Variants in SCAMP1 observed in about 807,000 individuals in gnomAD.
SCAMP1 encodes the protein secretory carrier membrane protein 1, also known as secretory carrier-associated membrane protein 1.
Under a neutral mutation model 41.8 loss-of-function variants are expected in SCAMP1, and 15 were observed. That is an observed-to-expected ratio of 0.36 (90% CI 0.24 to 0.55). SCAMP1 has a LOEUF of 0.55. Ranked by LOEUF, SCAMP1 falls within the 20% of genes least tolerant of loss-of-function variation. SCAMP1 has a pLI of 0.86. For missense variants in SCAMP1, 341 were observed against 412.6 expected (o/e 0.83, Z 1.50); for synonymous variants, 135 against 136.8 (o/e 0.99, Z 0.09).
rs1018183255 is a variant in SCAMP1 at position 78,366,841 on chromosome 5, C to T, written c.57+6113C>T. On this transcript the variant is annotated intron_variant, in intron 1 of 8. Coordinates refer to ENST00000621999, the MANE Select transcript of SCAMP1 (RefSeq NM_004866.6). ...ATCTCTACTAAAATTTAAAAGTTAGCTGGGTGTGGTGGTGCACACCTGTAA... is the reference window on the plus strand; with the variant it reads ...ATCTCTACTAAAATTTAAAAGTTAGTTGGGTGTGGTGGTGCACACCTGTAA... Among the ~76,000 whole-genome samples the T allele has an allele frequency of 1.3e-5, 2 of 148,380 alleles. 1 individual carries two copies. The highest frequency in any genetic ancestry group is 4.3e-4 in the South Asian group (2 of 4,664).
chr5:78,441,462 T>G (rs1309939816), intron 6 of SCAMP1, among the ~76,000 whole-genome samples: 3 of 152,182 alleles, frequency 2.0e-5, no homozygotes, highest in Non-Finnish European at 4.4e-5. Context: ...ATTTCAAGTG[T>G]AAGAGTGATA....
chr5:78,451,059 G>A (rs1440389416), intron 7 of SCAMP1, among the ~76,000 whole-genome samples: 2 of 152,102 alleles, frequency 1.3e-5, no homozygotes, highest in Non-Finnish European at 2.9e-5. Flanking sequence ...TTAACAGCAC[G>A]AGGTTTTTTT....
chr5:78,439,423 C>G (rs1752858835), intron 6 of SCAMP1, among the ~76,000 whole-genome samples: 1 of 152,206 alleles, frequency 6.6e-6, no homozygotes, highest in Non-Finnish European at 1.5e-5. Context: ...ATGACAAAAT[C>G]TCTCAGCATT....
intron 2 of SCAMP1, among the ~76,000 whole-genome samples, chr5:78,415,056 T>C (rs6896927): frequency 0.76 from 115,344 of 151,526 alleles, 44,486 homozygotes; most frequent in African/African-American, 0.84. Flanking sequence ...CCGGTTCAAG[T>C]GATTCTCCTG....
intron 1 of SCAMP1, among the ~76,000 whole-genome samples, chr5:78,384,111 C>G (rs1221443235): frequency 6.7e-6 from 1 of 150,326 alleles, no homozygotes; most frequent in Admixed American, 6.6e-5. Context: ...TTTCTTTCAG[C>G]AGTGTTCTGT....
At position 78,475,651 on chromosome 5, in the gene SCAMP1, A is replaced by G. The variant is rs1198186085; in HGVS notation, c.1000A>G (p.Lys334Glu). 1.9e-6 allele frequency: 3 copies of G among 1,562,902 alleles called. No homozygotes were observed. ...AASSAAQNAF[K>E]GNQI ...ATCTAGTGCAGCTCAGAATGCTTTC[A>G]AGGGTAACCAGATTTAAGAATCTTC... Residue 334 changes from lysine to glutamate, a missense_variant, in exon 9 of 9, where the codon AAG becomes GAG. Transcript: ENST00000621999.
chr5:78,471,628 C>T (rs1753884949), intron 8 of SCAMP1, among the ~76,000 whole-genome samples: 1 of 152,072 alleles, frequency 6.6e-6, no homozygotes, highest in Non-Finnish European at 1.5e-5. Flanking sequence ...TGCCATTATT[C>T]TTTACTTCCC....
chr5:78,452,983 C>T (rs1178443440), intron 7 of SCAMP1, among the ~76,000 whole-genome samples: 1 of 148,164 alleles, frequency 6.7e-6, no homozygotes, highest in Non-Finnish European at 1.5e-5. Flanking sequence ...TAAATGTCTT[C>T]TTTTGAGAAG....
At chr5:78,397,473 G>C (rs1751681303) in intron 2 of SCAMP1, among the ~76,000 whole-genome samples, 1 of 152,102 alleles carries the variant, frequency 6.6e-6, no homozygotes, top group Admixed American at 6.6e-5. Context: ...GAGAAAACAG[G>C]CAATTTGGAC....
intron 2 of SCAMP1, among the ~76,000 whole-genome samples, chr5:78,390,907 GC>G (rs1751473806): frequency 6.8e-6 from 1 of 147,392 alleles, no homozygotes; most frequent in Admixed American, 6.8e-5. Context: ...ATCTTGCACC[GC>G]CCTTAATCCA....
chr5:78,374,558 A>G (rs1751019243), intron 1 of SCAMP1, among the ~76,000 whole-genome samples: 1 of 152,152 alleles, frequency 6.6e-6, no homozygotes, highest in Non-Finnish European at 1.5e-5. Flanking sequence ...CTAAGAAACT[A>G]GAATTTCTTG....
At chr5:78,382,810 TGTGTGTGTGC>T (rs70998001) in intron 1 of SCAMP1, among the ~76,000 whole-genome samples, 27,606 of 104,808 alleles carry the variant, frequency 0.26, 3,132 homozygotes, top group Admixed American at 0.41. Context: ...TGTGTGTGTG[TGTGTGTGTGC>T]GCCACATTTT....
intron 1 of SCAMP1, among the ~76,000 whole-genome samples, chr5:78,375,228 CA>C (rs1751037795): frequency 6.6e-6 from 1 of 152,076 alleles, no homozygotes; most frequent in African/African-American, 2.4e-5. Flanking sequence ...TTTTATAGAG[CA>C]GCACAATATT....
At chr5:78,386,408 C>T (rs1323731240) in intron 1 of SCAMP1, among the ~76,000 whole-genome samples, 1 of 152,060 alleles carries the variant, frequency 6.6e-6, no homozygotes, top group Non-Finnish European at 1.5e-5. Flanking sequence ...TCCATTCTGC[C>T]ATTCTGTATC....
At chr5:78,370,811 T>C (rs1190478936) in intron 1 of SCAMP1, 1 of 152,192 alleles carries the variant, frequency 6.6e-6, no homozygotes, top group Non-Finnish European at 1.5e-5. Context: ...TATGGGTATG[T>C]AGATTTCTCT....
intron 2 of SCAMP1, among the ~76,000 whole-genome samples, chr5:78,406,069 C>T (rs1751927225): frequency 6.6e-6 from 1 of 152,098 alleles, no homozygotes. Flanking sequence ...GTTTCAGGAT[C>T]CTTTTGGCAG....
At chr5:78,425,781 T>G (rs1215449697) in intron 6 of SCAMP1, among the ~76,000 whole-genome samples, 1 of 152,066 alleles carries the variant, frequency 6.6e-6, no homozygotes, top group Non-Finnish European at 1.5e-5. Flanking sequence ...TTCAATGATT[T>G]ATTTTATTTT....
chr5:78,374,900 C>A (rs377491707), intron 1 of SCAMP1, among the ~76,000 whole-genome samples: 1 of 151,962 alleles, frequency 6.6e-6, no homozygotes, highest in East Asian at 1.9e-4. Context: ...TTATTAAGCA[C>A]GTATCACAGT....
At chr5:78,373,737 C>G (rs984475369) in intron 1 of SCAMP1, among the ~76,000 whole-genome samples, 4 of 152,100 alleles carry the variant, frequency 2.6e-5, no homozygotes, top group African/African-American at 7.2e-5. Context: ...TTTGGACTAG[C>G]AGGACTGCCT....
Sources: gnomAD v4.1 joint callset for allele counts (sites outside exome capture counted in the v4.1 genomes callset) on GRCh38, gnomAD v4.1.1 for gene constraint, MANE v1.5 for transcripts, NCBI Gene and HGNC (gene_info 2026-07-23, HGNC 2026-07-21) for gene names.